GPBP1: variants seen among roughly 807,000 people sequenced by gnomAD.
GPBP1 encodes GC-rich promoter binding protein 1.
GPBP1 carries 13 observed loss-of-function variants against 56.5 expected under a neutral mutation model. That is an observed-to-expected ratio of 0.23 (90% CI 0.15 to 0.37). The LOEUF (loss-of-function observed/expected upper bound fraction) is 0.37, where lower values mean the gene tolerates loss of function less well. GPBP1 is among the 10% of genes least tolerant of loss of function. The probability of loss-of-function intolerance (pLI) is 1.00; values close to 1 mark genes in which losing one functional copy is unlikely to be tolerated. For missense variants in GPBP1, 477 were observed against 572.3 expected, an observed-to-expected ratio of 0.83 and a Z score of 1.70; for synonymous variants, 204 against 188.9, an observed-to-expected ratio of 1.08 and a Z score of -0.66.
intron 2 of GPBP1, among the ~76,000 whole-genome samples, chr5:57,190,906 CCATGTTGCCTAGAACTCTAGGCAAAA>C: frequency 6.6e-6 from 1 of 151,506 alleles, no homozygotes; most frequent in Middle Eastern, 3.4e-3. Context: ...CGGGGTTTTG[CCATGTTGCCTAGAACTCTAGGCAAAA>C]CATGTTGCCT....
chr5:57,235,642 T>C (rs7720976), intron 5 of GPBP1, among the ~76,000 whole-genome samples: 4,249 of 152,298 alleles, frequency 0.028, 130 homozygotes, highest in East Asian at 0.13. Flanking sequence ...GAGTAATTCA[T>C]GTTTAATACA....
chr5:57,186,341 G>T (rs1754284583), intron 2 of GPBP1, among the ~76,000 whole-genome samples: 2 of 151,424 alleles, frequency 1.3e-5, no homozygotes, highest in Admixed American at 6.6e-5. Flanking sequence ...AGCTATGATT[G>T]TGGCACTGCA....
intron 2 of GPBP1, among the ~76,000 whole-genome samples, chr5:57,178,503 C>G (rs546374368): frequency 2.6e-5 from 4 of 152,318 alleles, no homozygotes; most frequent in Non-Finnish European, 5.9e-5. Flanking sequence ...GCCTCCACTT[C>G]CCAAAGTGCT....
chr5:57,219,396 A>C (rs13174250), intron 3 of GPBP1, among the ~76,000 whole-genome samples: 22,229 of 54,930 alleles, frequency 0.4, 5,184 homozygotes, highest in East Asian at 0.86. Context: ...AAAAAAAAAA[A>C]AAAAAAACCA....
chr5:57,227,262 T>A (rs893068315), intron 3 of GPBP1, among the ~76,000 whole-genome samples: 1 of 152,176 alleles, frequency 6.6e-6, no homozygotes, highest in Non-Finnish European at 1.5e-5. Flanking sequence ...GTGAGCCGTT[T>A]CACCATTTTG....
Position 57,219,774 on chromosome 5 carries a change from C to T in GPBP1, c.63+5581C>T, listed in dbSNP as rs541711237. Among the ~76,000 whole-genome samples, 22 of 152,160 alleles carry T rather than the reference C, an allele frequency of 1.4e-4. No homozygotes were observed. The South Asian group carries it at 3.9e-3, about 27-fold the overall frequency. On this transcript the variant is annotated intron_variant, in intron 3 of 11. Coordinates refer to ENST00000506184, the MANE Select transcript of GPBP1 (RefSeq NM_022913.4). The stretch of plus-strand genomic sequence containing the variant: ...CAGTAATAAAAATTAGCATCTGGGC[C>T]GGGTGCGGTGGCTCATGCCTGTAAT...
At chr5:57,219,007 T>TCTCC (rs1456914378) in intron 3 of GPBP1, among the ~76,000 whole-genome samples, 1 of 152,106 alleles carries the variant, frequency 6.6e-6, no homozygotes, top group Non-Finnish European at 1.5e-5. Context: ...CCAGGATGTA[T>TCTCC]CTCCTATTCT....
At chr5:57,208,695 C>T (rs1394229302) in intron 2 of GPBP1, among the ~76,000 whole-genome samples, 61 of 141,120 alleles carry the variant, frequency 4.3e-4, no homozygotes, top group African/African-American at 1.6e-3. Flanking sequence ...CTCACCCCGT[C>T]GTCCAGGCTG....
chr5:57,194,041 A>G (rs1323560977), intron 2 of GPBP1, among the ~76,000 whole-genome samples: 9 of 152,194 alleles, frequency 5.9e-5, no homozygotes, highest in Non-Finnish European at 1.0e-4. Context: ...TAGTAGCATC[A>G]TGTCTACCCT....
intron 5 of GPBP1, among the ~76,000 whole-genome samples, chr5:57,232,079 A>G (rs1756484911): frequency 1.3e-5 from 2 of 152,122 alleles, no homozygotes; most frequent in South Asian, 2.1e-4. Flanking sequence ...GCTGGAGTTC[A>G]TAGCTCACTG....
Position 57,183,404 on chromosome 5 carries a change from G to A in GPBP1, c.-58+7004G>A, listed in dbSNP as rs557525541. 3.9e-5 allele frequency among the ~76,000 whole-genome samples: 6 copies of A among 152,086 alleles called. No homozygotes were observed. The East Asian group carries it at 1.2e-3, about 29-fold the overall frequency. On this transcript the variant is annotated intron_variant, in intron 2 of 11. Coordinates refer to ENST00000506184, the MANE Select transcript of GPBP1 (RefSeq NM_022913.4). The stretch of plus-strand genomic sequence containing the variant: ...AAAACATACATACATACAAACATAT[G>A]TACAACTCTTAAGTTATCCTTTCTC...
chr5:57,244,758 G>A (rs1741007703), intron 6 of GPBP1, among the ~76,000 whole-genome samples: 1 of 130,056 alleles, frequency 7.7e-6, no homozygotes, highest in African/African-American at 3.0e-5. Context: ...TTTTGAGATG[G>A]AGTCTTGCTC....
rs574460288 is a variant in GPBP1 at position 57,218,073 on chromosome 5, A to C, written c.63+3880A>C. ...TAAGACCTGTGTAAAAGAAAAAAAA[A>C]CAAAAAAACCCCACTTTTTTTCCTC... On this transcript the variant is annotated intron_variant, in intron 3 of 11. Transcript: ENST00000506184. Among the ~76,000 whole-genome samples, 12 of 152,082 alleles carry C rather than the reference A, an allele frequency of 7.9e-5. 1 individual carries two copies. Among genetic ancestry groups the C allele is most frequent in the African/African-American group, 2.4e-4 (10 of 41,414 alleles).
chr5:57,236,341 GAAAC>G (rs1296334273), intron 6 of GPBP1, among the ~76,000 whole-genome samples: 1 of 152,126 alleles, frequency 6.6e-6, no homozygotes, highest in Non-Finnish European at 1.5e-5. Flanking sequence ...ATAATGTAAA[GAAAC>G]AAACTGAGTT....
At chr5:57,224,036 T>C (rs886990542) in intron 3 of GPBP1, among the ~76,000 whole-genome samples, 1 of 151,740 alleles carries the variant, frequency 6.6e-6, no homozygotes, top group Non-Finnish European at 1.5e-5. Context: ...GGTTTCACCA[T>C]GTTAGCCAGG....
At chr5:57,232,788 T>C (rs963292932) in intron 5 of GPBP1, among the ~76,000 whole-genome samples, 1 of 152,158 alleles carries the variant, frequency 6.6e-6, no homozygotes, top group Non-Finnish European at 1.5e-5. Flanking sequence ...CTGCAGAAAG[T>C]AAAAATGGCC....
At chr5:57,234,757 G>A (rs189390837) in intron 5 of GPBP1, among the ~76,000 whole-genome samples, 29 of 152,214 alleles carry the variant, frequency 1.9e-4, no homozygotes, top group Middle Eastern at 6.8e-3. Flanking sequence ...CAGATACAAA[G>A]CTAAAAAGAG....
chr5:57,252,884 C>T (rs1741461029), intron 10 of GPBP1, among the ~76,000 whole-genome samples: 1 of 151,640 alleles, frequency 6.6e-6, no homozygotes, highest in South Asian at 2.1e-4. Flanking sequence ...TAATTTTTGT[C>T]TTTTAGTAGA....
At chr5:57,232,412 C>T (rs990346509) in intron 5 of GPBP1, among the ~76,000 whole-genome samples, 2 of 152,158 alleles carry the variant, frequency 1.3e-5, no homozygotes, top group African/African-American at 2.4e-5. Flanking sequence ...AAGAAATCAA[C>T]GTACTTTATG....
Sources: allele counts gnomAD v4.1 joint callset (sites outside exome capture counted in the v4.1 genomes callset), GRCh38; gene constraint gnomAD v4.1.1; transcripts MANE v1.5; gene names NCBI Gene and HGNC (gene_info 2026-07-23, HGNC 2026-07-21).